PKHD1L1: variants seen among roughly 807,000 people sequenced by gnomAD.
The protein encoded by PKHD1L1 is PKHD1 like 1.
PKHD1L1 carries 434 observed loss-of-function variants against 462.9 expected under a neutral mutation model. That is an observed-to-expected ratio of 0.94 (90% CI 0.87 to 1.02). The LOEUF is 1.02. Ranked by LOEUF, PKHD1L1 falls within the 50% of genes least tolerant of loss-of-function variation. The pLI, the probability that PKHD1L1 is intolerant of heterozygous loss-of-function variation, is 0.00. For missense variants in PKHD1L1, 5,202 were observed against 5,096.1 expected (o/e 1.02, Z -0.63); for synonymous variants, 1,781 against 1,750.0 (o/e 1.02, Z -0.44).
chr8:109,450,876 T>G (rs1816449478), intron 40 of PKHD1L1, 99 bp from the exon 41 acceptor site: 2 of 1,167,418 alleles, frequency 1.7e-6, no homozygotes, highest in Non-Finnish European at 2.4e-6. Context: ...GGAAGATGAT[T>G]GTGTGAAAAG....
intron 2 of PKHD1L1, among the ~76,000 whole-genome samples, chr8:109,370,638 A>C (rs868619374): frequency 6.6e-6 from 1 of 151,930 alleles, no homozygotes; most frequent in East Asian, 1.9e-4. Flanking sequence ...AGGTATATCT[A>C]CTAATGCTAT....
intron 2 of PKHD1L1, among the ~76,000 whole-genome samples, chr8:109,373,788 G>A (rs1811649969): frequency 6.6e-6 from 1 of 152,196 alleles, no homozygotes; most frequent in Non-Finnish European, 1.5e-5. Context: ...GGAGCAGGTT[G>A]TTCAGTTTCC....
Position 109,444,775 on chromosome 8 carries a change from A to G in PKHD1L1, c.4906A>G (p.Thr1636Ala). Residue 1636 changes from threonine (T) to alanine (A), a missense_variant, in exon 38 of 78, where the codon ACT becomes GCT. Thr to Ala is a moderately conservative substitution (Grantham distance 58, BLOSUM62 0). Around this residue, in one of 3 missense-constraint regions of PKHD1L1, gnomAD observed 4,497 missense variants for 4,336.8 expected, o/e 1.04. Coordinates refer to ENST00000378402, the MANE Select transcript of PKHD1L1 (RefSeq NM_177531.6). Reference protein sequence around the residue: ...DVGIRETVTLTVYNLGTAINT... With the variant: ...DVGIRETVTLAVYNLGTAINT... The stretch of plus-strand genomic sequence containing the variant: ...TGGTATCAGGGAAACTGTCACTTTG[A>G]CTGTCTACAACCTGGGCACTGCTAT... 1 of 1,613,982 alleles carries G rather than the reference A, an allele frequency of 6.2e-7. No individual in the cohort carries two copies. Among genetic ancestry groups the G allele is most frequent in the Non-Finnish European group, 8.5e-7 (1 of 1,179,876 alleles).
chr8:109,410,546 C>T (rs1359657786), intron 19 of PKHD1L1, among the ~76,000 whole-genome samples: 5 of 151,916 alleles, frequency 3.3e-5, no homozygotes, highest in Non-Finnish European at 7.4e-5. Flanking sequence ...ATCATGAGAA[C>T]AGCACCGATG....
intron 50 of PKHD1L1, among the ~76,000 whole-genome samples, chr8:109,468,890 G>A (rs1817580817): frequency 6.6e-6 from 1 of 152,150 alleles, no homozygotes; most frequent in Non-Finnish European, 1.5e-5. Context: ...TAGAAAATAG[G>A]TAAGAAGCAG....
In PKHD1L1 at chr8:109,498,760, T is replaced by A; in HGVS notation, c.10817T>A (p.Leu3606Ter). The change falls in exon 67 of 78, where the codon TTG becomes TAG. Residue 3606 changes from leucine to a stop codon, truncating the protein, a stop_gained. Coordinates refer to ENST00000378402, the MANE Select transcript of PKHD1L1 (RefSeq NM_177531.6). LOFTEE classifies it high-confidence loss of function. ...IMSYNAISGL[L>*]DISGSTFVGF... ...AGTTACAATGCCATCAGTGGCCTTT[T>A]GGACATCTCAGGCAAGTACACAGTC... The A allele has an allele frequency of 6.2e-7, 1 of 1,611,116 alleles. No individual in the cohort carries two copies. Among genetic ancestry groups the A allele is most frequent in the Non-Finnish European group, 8.5e-7 (1 of 1,177,420 alleles).
chr8:109,413,313 T>G, intron 20 of PKHD1L1, 108 bp from the exon 21 acceptor site: 1 of 769,330 alleles, frequency 1.3e-6, no homozygotes, highest in Non-Finnish European at 1.8e-6. Context: ...GTACGTTTTA[T>G]GTAGAAAATG....
At position 109,435,628 on chromosome 8, in the gene PKHD1L1, G is replaced by A. The variant is rs114714549; in HGVS notation, c.3505+274G>A. Among the ~76,000 whole-genome samples the A allele has an allele frequency of 9.5e-3, 1,440 of 152,210 alleles. 19 individuals are homozygous for A. Among genetic ancestry groups the A allele is most frequent in the African/African-American group, 0.033 (1,359 of 41,512 alleles). On this transcript the variant is annotated intron_variant, in intron 29 of 77. Transcript: ENST00000378402. The stretch of plus-strand genomic sequence containing the variant: ...TTTCTATAACAAGCACATCAATTAT[G>A]TCAAGATAAGATTTATTAGTTATTA...
At position 109,441,934 on chromosome 8, in the gene PKHD1L1, T is replaced by G. The variant is rs142052126; in HGVS notation, c.4205-73T>G. 1.5e-3 allele frequency: 1,984 copies of G among 1,288,872 alleles called. 3 individuals carry two copies. Among genetic ancestry groups the G allele is most frequent in the Non-Finnish European group, 1.9e-3 (1,867 of 969,696 alleles). The allele number at this position is 1,288,872 out of a possible 1,614,324, so 79.8% of individuals were successfully genotyped here. On this transcript the variant is annotated intron_variant, in intron 34 of 77. Transcript: ENST00000378402. ...TTTTCACTACTGACTGTATATAAAT[T>G]GCCATGTTGTCAAAGATAATTATTA...
chr8:109,510,996 A>G, intron 71 of PKHD1L1, 62 bp downstream of exon 71: 1 of 1,549,080 alleles, frequency 6.5e-7, no homozygotes, highest in Non-Finnish European at 8.8e-7. Context: ...TCTATCTGCT[A>G]AGGCTTGTAC....
At chr8:109,408,330 A>C in intron 18 of PKHD1L1, 124 bp downstream of exon 18, 2 of 858,374 alleles carry the variant, frequency 2.3e-6, no homozygotes, top group Middle Eastern at 2.5e-4. Context: ...ATTATTTATC[A>C]CCTGATCAAC....
chr8:109,477,959 G>C (rs566215015), intron 53 of PKHD1L1, among the ~76,000 whole-genome samples: 39 of 152,002 alleles, frequency 2.6e-4, no homozygotes, highest in Non-Finnish European at 5.1e-4. Context: ...TTTCTACCTT[G>C]TATTAGAGTA....
At chr8:109,511,504 T>TA (rs1819980934) in intron 71 of PKHD1L1, among the ~76,000 whole-genome samples, 1 of 151,788 alleles carries the variant, frequency 6.6e-6, no homozygotes, top group Admixed American at 6.6e-5. Flanking sequence ...TTCATCCATG[T>TA]CCCTACAAAG....
intron 2 of PKHD1L1, among the ~76,000 whole-genome samples, chr8:109,369,509 C>T (rs1043482104): frequency 1.3e-5 from 2 of 152,050 alleles, no homozygotes; most frequent in Admixed American, 6.5e-5. Flanking sequence ...AACTCCTAAG[C>T]TGAAAATGAT....
At chr8:109,480,631 C>T in intron 55 of PKHD1L1, 2 of 455,378 alleles carry the variant, frequency 4.4e-6, no homozygotes, top group South Asian at 1.6e-5. Flanking sequence ...TGGTCTTGAA[C>T]CTGTACCAGC....
At position 109,428,631 on chromosome 8, in the gene PKHD1L1, C is replaced by T. The variant is rs568311513; in HGVS notation, c.3001-709C>T. 6.8e-4 allele frequency among the ~76,000 whole-genome samples: 103 copies of T among 152,256 alleles called. 2 individuals are homozygous for T. In the South Asian group the frequency reaches 0.021, roughly 31 times the overall value. Reference sequence around the variant, plus strand: ...AAGATAGGTCTAGTGACTGACCTCCCTTGGTGTCTCTGCTGGTGTCTGTGC... The same window carrying T: ...AAGATAGGTCTAGTGACTGACCTCCTTTGGTGTCTCTGCTGGTGTCTGTGC... On this transcript the variant is annotated intron_variant, in intron 25 of 77. Transcript: ENST00000378402.
At chr8:109,393,007 AT>A (rs764856519) in intron 9 of PKHD1L1, among the ~76,000 whole-genome samples, 204 of 152,272 alleles carry the variant, frequency 1.3e-3, no homozygotes, top group Middle Eastern at 0.01. Context: ...TTACATTCAA[AT>A]TTTATTTCAG....
At chr8:109,402,929 C>T (rs939190051) in intron 14 of PKHD1L1, among the ~76,000 whole-genome samples, 1 of 151,802 alleles carries the variant, frequency 6.6e-6, no homozygotes, top group Non-Finnish European at 1.5e-5. Context: ...CTTCTGCTTT[C>T]ACTTCTTTAG....
intron 70 of PKHD1L1, among the ~76,000 whole-genome samples, chr8:109,510,031 T>G (rs1156501934): frequency 3.3e-5 from 5 of 152,150 alleles, no homozygotes; most frequent in Admixed American, 3.3e-4. Context: ...AGAAAAGCAT[T>G]CACTATCTCT....
Sources: gnomAD v4.1 joint callset for allele counts (sites outside exome capture counted in the v4.1 genomes callset) on GRCh38, gnomAD v4.1.1 for gene constraint, gnomAD v4.1.1 regional missense constraint, MANE v1.5 for transcripts, NCBI Gene and HGNC (gene_info 2026-07-23, HGNC 2026-07-21) for gene names.